NRG1: variants seen among roughly 807,000 people sequenced by gnomAD.
The protein encoded by NRG1 is pro-neuregulin-1, membrane-bound isoform.
In NRG1, 18 loss-of-function variants were observed where a neutral mutation model predicts 63.8. That is an observed-to-expected ratio of 0.28 (90% CI 0.19 to 0.42). NRG1 has a LOEUF of 0.42. Among genes scored for constraint, NRG1 ranks in the 10% least tolerant of loss-of-function variants. The pLI is 1.00. For missense variants in NRG1, 762 were observed against 814.7 expected (o/e 0.94, Z 0.79); for synonymous variants, 302 against 301.3 (o/e 1.00, Z -0.02).
At chr8:32,153,755 G>A (rs939593679) in intron 1 of NRG1, among the ~76,000 whole-genome samples, 4 of 152,174 alleles carry the variant, frequency 2.6e-5, no homozygotes, top group Non-Finnish European at 4.4e-5. Context: ...TTGAGAATCT[G>A]TGGGCACACT....
intron 1 of NRG1, among the ~76,000 whole-genome samples, chr8:32,568,071 T>G (rs1445948988): frequency 1.3e-5 from 2 of 152,214 alleles, no homozygotes; most frequent in Non-Finnish European, 2.9e-5. Context: ...TCCAGGTGTT[T>G]CCGTTATTCT....
chr8:31,717,414 A>G (rs1163402453), intron 1 of NRG1, among the ~76,000 whole-genome samples: 1 of 1,604 alleles, frequency 6.2e-4, no homozygotes, highest in African/African-American at 6.5e-4. Flanking sequence ...CTCGACATTA[A>G]AAAAAAAAAA....
At chr8:32,488,758 G>A (rs2129494370) in intron 1 of NRG1, among the ~76,000 whole-genome samples, 1 of 152,302 alleles carries the variant, frequency 6.6e-6, no homozygotes, top group Admixed American at 6.5e-5. Context: ...GAGAGACAGT[G>A]GGTGGAGGGG....
chr8:31,846,305 G>A (rs972413170), intron 1 of NRG1, among the ~76,000 whole-genome samples: 3 of 152,276 alleles, frequency 2.0e-5, no homozygotes, highest in Non-Finnish European at 4.4e-5. Context: ...TTTAATTGAC[G>A]AGTTGATGGA....
intron 5 of NRG1, among the ~76,000 whole-genome samples, chr8:32,718,632 C>T (rs748503986): frequency 6.6e-6 from 1 of 152,122 alleles, no homozygotes; most frequent in Non-Finnish European, 1.5e-5. Context: ...ACTTCACCTC[C>T]TTATTTATAA....
chr8:32,037,589 G>C (rs935622712), intron 1 of NRG1, among the ~76,000 whole-genome samples: 2 of 152,186 alleles, frequency 1.3e-5, no homozygotes, highest in Non-Finnish European at 2.9e-5. Flanking sequence ...TCCTTTCAGG[G>C]AGATCAGAGT....
intron 1 of NRG1, among the ~76,000 whole-genome samples, chr8:31,900,719 C>T (rs1563543636): frequency 1.3e-5 from 2 of 152,150 alleles, no homozygotes; most frequent in Non-Finnish European, 2.9e-5. Context: ...TATAAACTCC[C>T]ACTCCACCCC....
chr8:32,412,585 C>CT (rs1815262206), intron 1 of NRG1, among the ~76,000 whole-genome samples: 1 of 151,374 alleles, frequency 6.6e-6, no homozygotes, highest in African/African-American at 2.4e-5. Context: ...TAGGCAATTT[C>CT]ATGATTTGTG....
chr8:31,689,645 C>G (rs1367645609), intron 1 of NRG1, among the ~76,000 whole-genome samples: 1 of 152,042 alleles, frequency 6.6e-6, no homozygotes, highest in Non-Finnish European at 1.5e-5. Context: ...CTTGGAGGTT[C>G]TTTAAGATGG....
At chr8:31,986,988 T>G (rs970737926) in intron 1 of NRG1, among the ~76,000 whole-genome samples, 2 of 152,058 alleles carry the variant, frequency 1.3e-5, no homozygotes, top group Admixed American at 1.3e-4. Flanking sequence ...GATTGTAAAA[T>G]AAGTCTGGCA....
intron 1 of NRG1, among the ~76,000 whole-genome samples, chr8:32,114,212 A>G (rs1832407585): frequency 6.6e-6 from 1 of 152,238 alleles, no homozygotes; most frequent in African/African-American, 2.4e-5. Context: ...AAACAGTTTT[A>G]AAATAACATT....
chr8:32,613,978 G>A (rs1470076224), intron 3 of NRG1, among the ~76,000 whole-genome samples: 1 of 151,840 alleles, frequency 6.6e-6, no homozygotes, highest in Non-Finnish European at 1.5e-5. Context: ...TTACTGCCTG[G>A]GTAGCTAATG....
At chr8:32,331,102 A>AG (rs1464289318) in intron 1 of NRG1, among the ~76,000 whole-genome samples, 5 of 152,146 alleles carry the variant, frequency 3.3e-5, no homozygotes, top group African/African-American at 9.7e-5. Context: ...GTAAAAAAAA[A>AG]GAAATCCATA....
chr8:31,801,002 G>A (rs920096737), intron 1 of NRG1, among the ~76,000 whole-genome samples: 11 of 101,558 alleles, frequency 1.1e-4, no homozygotes, highest in South Asian at 5.1e-4. Context: ...CACCACGCCC[G>A]CCAATTTTTT....
At chr8:32,046,082 C>G (rs1820948397) in intron 1 of NRG1, among the ~76,000 whole-genome samples, 1 of 151,718 alleles carries the variant, frequency 6.6e-6, no homozygotes, top group Non-Finnish European at 1.5e-5. Flanking sequence ...TTTGAAAACT[C>G]TTAAAAATCA....
At position 31,703,491 on chromosome 8, in the gene NRG1, G is replaced by A. The variant is rs79412249; in HGVS notation, c.37+64060G>A. On this transcript the variant is annotated intron_variant, in intron 1 of 10. Transcript: ENST00000519301. ...ATTGCTGGTTTCAATTATTCTGAAA[G>A]GACTTTTATTTTTATGGAACACTGA... 4.1e-3 allele frequency among the ~76,000 whole-genome samples: 623 copies of A among 152,194 alleles called. 2 individuals are homozygous for A. Among genetic ancestry groups the A allele is most frequent in the South Asian group, 0.026 (127 of 4,820 alleles).
At chr8:32,207,583 T>G (rs971555943) in intron 1 of NRG1, among the ~76,000 whole-genome samples, 3 of 152,192 alleles carry the variant, frequency 2.0e-5, no homozygotes, top group African/African-American at 7.2e-5. Flanking sequence ...AGCTAATCTT[T>G]ATGAATGAAA....
intron 1 of NRG1, among the ~76,000 whole-genome samples, chr8:32,531,411 C>A (rs1178154840): frequency 6.6e-6 from 1 of 151,730 alleles, no homozygotes; most frequent in Non-Finnish European, 1.5e-5. Flanking sequence ...TTCATTTTTT[C>A]CCTAAAAATT....
chr8:31,773,976 A>AT (rs1406372639), intron 1 of NRG1, among the ~76,000 whole-genome samples: 2 of 152,106 alleles, frequency 1.3e-5, no homozygotes, highest in East Asian at 3.8e-4. Context: ...CTCAATAAAT[A>AT]TTTGTGAAAT....
Sources: gnomAD v4.1 joint callset for allele counts (sites outside exome capture counted in the v4.1 genomes callset) on GRCh38, gnomAD v4.1.1 for gene constraint, MANE v1.5 for transcripts, NCBI Gene and HGNC (gene_info 2026-07-23, HGNC 2026-07-21) for gene names.